XYLT1: variants seen among roughly 807,000 people sequenced by gnomAD.
The protein encoded by XYLT1 is beta-D-xylosyltransferase 1.
Under a neutral mutation model 91.3 loss-of-function variants are expected in XYLT1, and 36 were observed. That is an observed-to-expected ratio of 0.39 (90% CI 0.30 to 0.52). The LOEUF is 0.52. XYLT1 is among the 20% of genes least tolerant of loss of function. The pLI, the probability that XYLT1 is intolerant of heterozygous loss-of-function variation, is 0.68. For synonymous variants in XYLT1, 588 were observed against 532.0 expected (o/e 1.11, Z -1.45); for missense variants, 1,242 against 1,284.5 (o/e 0.97, Z 0.51).
chr16:17,447,038 G>A (rs930424039), intron 1 of XYLT1, among the ~76,000 whole-genome samples: 3 of 130,158 alleles, frequency 2.3e-5, no homozygotes, highest in Non-Finnish European at 4.6e-5. Flanking sequence ...CTCCACATTC[G>A]AATCTCCGAA....
At chr16:17,165,585 C>G (rs369547766) in intron 5 of XYLT1, among the ~76,000 whole-genome samples, 6 of 151,848 alleles carry the variant, frequency 4.0e-5, no homozygotes, top group Non-Finnish European at 8.8e-5. Flanking sequence ...CCCAGCTACT[C>G]GGAGGCTGAG....
Position 17,117,710 on chromosome 16 carries a change from T to C in XYLT1, c.2493A>G (p.Pro831=). 2.5e-6 allele frequency: 4 copies of C among 1,614,200 alleles called. No individual in the cohort carries two copies. The highest frequency in any genetic ancestry group is 3.4e-6 in the Non-Finnish European group (4 of 1,180,038). The change falls in exon 11 of 12, where the codon CCA becomes CCG. Residue 831 remains proline, a synonymous_variant. Coordinates refer to ENST00000261381, the MANE Select transcript of XYLT1 (RefSeq NM_022166.4). ...CAACGAGGAATTTGGTCTCTGCAAC[T>C]GGCACCCAGTGGTGGAGAATTTTCA... The part of the protein sequence containing the change: ...WTVKILHHWV[P]VAETKFLVAP...
At chr16:17,154,816 G>GATGA in intron 6 of XYLT1, among the ~76,000 whole-genome samples, 1 of 152,344 alleles carries the variant, frequency 6.6e-6, no homozygotes, top group Admixed American at 6.5e-5. Flanking sequence ...AAAGGTTGGA[G>GATGA]ATGAAGACAG....
intron 5 of XYLT1, among the ~76,000 whole-genome samples, chr16:17,168,492 C>T (rs1332135120): frequency 6.6e-6 from 1 of 152,142 alleles, no homozygotes; most frequent in Admixed American, 6.5e-5. Context: ...GTACAATGCT[C>T]ACTTACCTAG....
intron 8 of XYLT1, chr16:17,138,094 G>GTTTTCATATCCCTAAAATGGAATAA (rs1470924047): frequency 9.5e-6 from 4 of 419,666 alleles, no homozygotes; most frequent in African/African-American, 7.8e-5. Flanking sequence ...GTGCCTCACA[G>GTTTTCATATCCCTAAAATGGAATAA]TTTTCATATC....
At chr16:17,389,067 TG>T (rs2035784003) in intron 1 of XYLT1, among the ~76,000 whole-genome samples, 1 of 152,218 alleles carries the variant, frequency 6.6e-6, no homozygotes, top group African/African-American at 2.4e-5. Context: ...TGGGCAACAC[TG>T]GTTCTTTGCA....
chr16:17,314,824 T>A (rs1596477706), intron 2 of XYLT1, among the ~76,000 whole-genome samples: 1 of 152,324 alleles, frequency 6.6e-6, no homozygotes, highest in Non-Finnish European at 1.5e-5. Flanking sequence ...ATAACTCATA[T>A]ACAACTTGAC....
chr16:17,239,516 CCA>C (rs1349741758), intron 3 of XYLT1, among the ~76,000 whole-genome samples: 9 of 150,222 alleles, frequency 6.0e-5, no homozygotes, highest in African/African-American at 2.2e-4. Flanking sequence ...ATCCATCCAT[CCA>C]TCCATCCATC....
intron 11 of XYLT1, among the ~76,000 whole-genome samples, chr16:17,113,900 G>A (rs1243857038): frequency 6.6e-6 from 1 of 152,208 alleles, no homozygotes; most frequent in Non-Finnish European, 1.5e-5. Flanking sequence ...TGCCGGGACG[G>A]TGGGCACCCC....
In XYLT1 at chr16:17,103,929, CAAAAA is replaced by C. The variant is rs952892356; in HGVS notation, c.*4761_*4765del. ...AAACACAAAACAAAACAAAACAAAA[CAAAAA>C]AACTTCTAAGAGAGCCAGAGAGGAA... On this transcript the variant is annotated 3_prime_UTR_variant, in exon 12 of 12. Coordinates refer to ENST00000261381, the MANE Select transcript of XYLT1 (RefSeq NM_022166.4). The C allele has an allele frequency of 6.5e-6, 1 of 152,756 alleles. No individual in the cohort carries two copies. Among genetic ancestry groups the C allele is most frequent in the African/African-American group, 2.4e-5 (1 of 41,414 alleles). The allele number at this position is 152,756 out of a possible 1,614,324, so 9.5% of individuals were successfully genotyped here.
chr16:17,116,903 A>G (rs1161696426), intron 11 of XYLT1, among the ~76,000 whole-genome samples: 1 of 152,016 alleles, frequency 6.6e-6, no homozygotes, highest in East Asian at 1.9e-4. Context: ...GAGGCTGAAC[A>G]TGTTTTTGCG....
chr16:17,352,858 C>T (rs955660254), intron 2 of XYLT1, among the ~76,000 whole-genome samples: 1 of 152,190 alleles, frequency 6.6e-6, no homozygotes, highest in African/African-American at 2.4e-5. Flanking sequence ...CTGTTTTTCT[C>T]TGCTGTATCT....
intron 9 of XYLT1, 94 bp downstream of exon 9, chr16:17,134,379 A>T: frequency 6.7e-7 from 1 of 1,499,470 alleles, no homozygotes; most frequent in Non-Finnish European, 9.0e-7. Flanking sequence ...ATTGCATTGC[A>T]GATCCCTAAA....
At chr16:17,341,668 C>CA (rs972817454) in intron 2 of XYLT1, among the ~76,000 whole-genome samples, 98 of 148,344 alleles carry the variant, frequency 6.6e-4, no homozygotes, top group African/African-American at 2.1e-3. Flanking sequence ...GAAGTAGTAG[C>CA]AAAAAAAAAA....
At chr16:17,315,860 C>G (rs1410123947) in intron 2 of XYLT1, among the ~76,000 whole-genome samples, 1 of 152,146 alleles carries the variant, frequency 6.6e-6, no homozygotes, top group Non-Finnish European at 1.5e-5. Context: ...CTGATCATGC[C>G]TCGGCAAGTC....
At chr16:17,126,890 A>G (rs7202682) in intron 10 of XYLT1, among the ~76,000 whole-genome samples, 132,792 of 152,070 alleles carry the variant, frequency 0.87, 59,212 homozygotes, top group Non-Finnish European at 0.96. Context: ...TGGGGATACC[A>G]CAGTGAAGAG....
At chr16:17,246,658 G>A (rs189071023) in intron 3 of XYLT1, among the ~76,000 whole-genome samples, 83 of 152,254 alleles carry the variant, frequency 5.5e-4, no homozygotes, top group African/African-American at 1.9e-3. Context: ...CAGGAGTCGC[G>A]ATGAGATCAC....
intron 2 of XYLT1, among the ~76,000 whole-genome samples, chr16:17,287,852 C>G (rs1567357727): frequency 1.3e-5 from 2 of 151,964 alleles, no homozygotes; most frequent in South Asian, 2.1e-4. Context: ...ATACCAGGAG[C>G]TTAACATTTA....
rs377621737 is a variant in XYLT1, at chr16:17,106,484, G to C, written c.*2211C>G. On this transcript the variant is annotated 3_prime_UTR_variant, in exon 12 of 12. Transcript: ENST00000261381. ...CGCTGTTGAGAATGGCTATCTCCCG[G>C]ACTCTGCTGCCTGGATCTGACGACC... is the stretch of plus-strand genomic sequence containing the variant. The C allele has an allele frequency of 1.2e-4, 18 of 152,364 alleles. No individual in the cohort carries two copies. Among genetic ancestry groups the C allele is most frequent in the African/African-American group, 4.1e-4 (17 of 41,570 alleles). 9.4% of individuals were successfully genotyped at this position (152,364 alleles called of 1,614,324 possible). A position where few individuals can be genotyped will look rare whatever the true frequency, so the allele number is the denominator to read the frequency against.
Sources: gnomAD v4.1 joint callset for allele counts (sites outside exome capture counted in the v4.1 genomes callset) on GRCh38, gnomAD v4.1.1 for gene constraint, MANE v1.5 for transcripts, NCBI Gene and HGNC (gene_info 2026-07-23, HGNC 2026-07-21) for gene names.